CPNE2: variants seen among roughly 807,000 people sequenced by gnomAD.
CPNE2 encodes copine 2.
Under a neutral mutation model 69.7 loss-of-function variants are expected in CPNE2, and 42 were observed. That is an observed-to-expected ratio of 0.60 (90% CI 0.47 to 0.78). The LOEUF (loss-of-function observed/expected upper bound fraction) is 0.78. CPNE2 is among the 30% of genes least tolerant of loss of function. The pLI is 0.00. For missense variants in CPNE2, 587 were observed against 732.0 expected (o/e 0.80, Z 2.29); for synonymous variants, 294 against 289.8 (o/e 1.01, Z -0.15).
intron 8 of CPNE2, 27 bp downstream of exon 8, chr16:57,121,218 C>A (rs768064336): frequency 6.3e-7 from 1 of 1,597,806 alleles, no homozygotes; most frequent in South Asian, 1.1e-5. Flanking sequence ...TACTGTAACC[C>A]CAAGACCTCA....
At chr16:57,127,503 C>G (rs1253132517) in intron 11 of CPNE2, among the ~76,000 whole-genome samples, 1 of 152,144 alleles carries the variant, frequency 6.6e-6, no homozygotes, top group East Asian at 1.9e-4. Context: ...TGAGAGACAG[C>G]CAGTACATTC....
At chr16:57,102,869 T>C (rs1305334085) in intron 1 of CPNE2, among the ~76,000 whole-genome samples, 1 of 152,206 alleles carries the variant, frequency 6.6e-6, no homozygotes, top group African/African-American at 2.4e-5. Flanking sequence ...CCCCAAGTGC[T>C]GGGATTACAG....
chr16:57,119,856 G>A (rs923398373), intron 7 of CPNE2, among the ~76,000 whole-genome samples: 1 of 152,232 alleles, frequency 6.6e-6, no homozygotes, highest in Non-Finnish European at 1.5e-5. Flanking sequence ...CCCCACCTTT[G>A]AGCCCCTCTC....
intron 13 of CPNE2, among the ~76,000 whole-genome samples, chr16:57,136,473 G>T (rs2069881962): frequency 6.6e-6 from 1 of 152,206 alleles, no homozygotes; most frequent in Non-Finnish European, 1.5e-5. Context: ...AAGCATCACT[G>T]CAAGCTTCGC....
rs2069952743 is a variant in CPNE2 at position 57,145,784 on chromosome 16, CCA to C, written c.1303-300_1303-299del. On this transcript the variant is annotated intron_variant, in intron 14 of 15. Coordinates refer to ENST00000290776, the MANE Select transcript of CPNE2 (RefSeq NM_152727.6). Reference sequence around the variant, plus strand: ...TCCCACAGTATAGCAACTGGCAAGGCCAGGCCCAGAGTCCAGGGCTCTCAGAG... The same window carrying C: ...TCCCACAGTATAGCAACTGGCAAGGCGGCCCAGAGTCCAGGGCTCTCAGAG... 1.2e-5 allele frequency: 5 copies of C among 421,346 alleles called. No homozygotes were observed. The Admixed American group carries it at 2.0e-4, about 17-fold the overall frequency. The allele number at this position is 421,346 out of a possible 1,614,324, so 26.1% of individuals were successfully genotyped here. A position where few individuals can be genotyped will look rare whatever the true frequency, so the allele number is the denominator to read the frequency against.
chr16:57,124,144 C>T (rs1266481823), intron 10 of CPNE2: 5 of 225,392 alleles, frequency 2.2e-5, no homozygotes, highest in East Asian at 2.4e-4. Context: ...TGCAGTGGCA[C>T]GATCTCAGAT....
Position 57,119,261 on chromosome 16 carries a change from CT to C in CPNE2, c.575del (p.Leu192ArgfsTer7). 1 of 1,614,078 alleles carries C rather than the reference CT, an allele frequency of 6.2e-7. No individual in the cohort carries two copies. Among genetic ancestry groups the C allele is most frequent in the Non-Finnish European group, 8.5e-7 (1 of 1,179,984 alleles). On this transcript the variant is annotated frameshift_variant, in exon 6 of 16. Transcript: ENST00000290776. LOFTEE classifies it high-confidence loss of function. Reference protein sequence around the residue: ...YKPGDDGKWMLVHRTEVIKYT... With the variant: ...YKPGDDGKWMXVHRTEVIKYT... ...GCCAGGAGACGATGGCAAGTGGATG[CT>C]GGTCCACAGGACTGAGGTGGGTACG...
At chr16:57,131,385 G>T (rs1245444783) in intron 12 of CPNE2, among the ~76,000 whole-genome samples, 1 of 151,996 alleles carries the variant, frequency 6.6e-6, no homozygotes, top group Admixed American at 6.5e-5. Flanking sequence ...AAGGGCCAGG[G>T]CAGGAGATGT....
At chr16:57,124,488 G>C (rs965853744) in intron 10 of CPNE2, 3 of 402,540 alleles carry the variant, frequency 7.5e-6, no homozygotes. Flanking sequence ...TTTTAAGTGT[G>C]GGCACTTTGT....
At chr16:57,101,156 GC>G in intron 1 of CPNE2, among the ~76,000 whole-genome samples, 1 of 152,322 alleles carries the variant, frequency 6.6e-6, no homozygotes, top group African/African-American at 2.4e-5. Flanking sequence ...TAGAAACCCT[GC>G]CTGGGTTTCC....
chr16:57,102,611 T>G lies in CPNE2; in HGVS notation c.-35-8097T>G, dbSNP rs1352630297. On this transcript the variant is annotated intron_variant, in intron 1 of 15. Coordinates refer to ENST00000290776, the MANE Select transcript of CPNE2 (RefSeq NM_152727.6). ...TTTGTTTTTATTTATTTCTCTTTTT[T>G]TTTTTTTTGAGAGAGGGTCTCCCTG... 2.6e-5 allele frequency among the ~76,000 whole-genome samples: 4 copies of G among 151,928 alleles called. No individual in the cohort carries two copies. In the East Asian group the frequency reaches 7.7e-4, roughly 29 times the overall value.
chr16:57,121,231 A>G (rs1280215929), intron 8 of CPNE2, 40 bp downstream of exon 8: 2 of 1,571,570 alleles, frequency 1.3e-6, no homozygotes, highest in Admixed American at 1.7e-5. Context: ...AGACCTCAGC[A>G]GGGCTGGGGG....
intron 1 of CPNE2, among the ~76,000 whole-genome samples, chr16:57,099,061 C>T (rs371873730): frequency 3.3e-5 from 5 of 152,202 alleles, no homozygotes; most frequent in African/African-American, 1.2e-4. Context: ...GAACCCAGAT[C>T]AGAAACAGAC....
rs761455534 is a variant in CPNE2, at chr16:57,146,047, C to T, written c.1303-38C>T. Reference sequence around the variant, plus strand: ...GGAGGGAGAAGGGGTGCCAGAGCCTCGACCTTGCTGAGTGCCCCGTTGGCC... The same window carrying T: ...GGAGGGAGAAGGGGTGCCAGAGCCTTGACCTTGCTGAGTGCCCCGTTGGCC... On this transcript the variant is annotated intron_variant, in intron 14 of 15. Coordinates refer to ENST00000290776, the MANE Select transcript of CPNE2 (RefSeq NM_152727.6). The surrounding 1 kb of genome is among the most constrained non-coding windows in gnomAD (Gnocchi z 4.4). 16 of 1,557,088 alleles carry T rather than the reference C, an allele frequency of 1.0e-5. No homozygotes were observed. The East Asian group carries it at 2.1e-4, about 20-fold the overall frequency.
intron 14 of CPNE2, among the ~76,000 whole-genome samples, chr16:57,137,540 C>T (rs1459910826): frequency 1.1e-4 from 16 of 152,130 alleles, no homozygotes; most frequent in African/African-American, 4.8e-5. Flanking sequence ...CTCCCCAGGG[C>T]GAGGTACTGG....
intron 12 of CPNE2, among the ~76,000 whole-genome samples, chr16:57,134,476 G>A (rs184643742): frequency 8.5e-5 from 13 of 152,268 alleles, no homozygotes; most frequent in East Asian, 1.9e-4. Flanking sequence ...TGTCCCACCC[G>A]GGACTCTTAG....
intron 4 of CPNE2, among the ~76,000 whole-genome samples, chr16:57,117,268 C>T (rs552714312): frequency 6.6e-6 from 1 of 152,226 alleles, no homozygotes; most frequent in South Asian, 2.1e-4. Flanking sequence ...TGCGGATTTG[C>T]GTAGATCCGC....
In CPNE2 at chr16:57,123,427, A is replaced by G. The variant is rs1275789908; in HGVS notation, c.881A>G (p.Tyr294Cys). The change falls in exon 10 of 16, where the codon TAC (tyrosine) becomes TGC (cysteine). Residue 294 changes from tyrosine (Y) to cysteine (C), a missense_variant. This residue lies in a region of CPNE2 where 269 missense variants were observed against 300.5 expected (regional missense o/e 0.90). Coordinates refer to ENST00000290776, the MANE Select transcript of CPNE2 (RefSeq NM_152727.6). ...GCTTTCTTCCAGATAAACCGAGACT[A>G]CTCCTTCCTTGACTACATCCTGGGA... ...ILRSCKINRD[Y>C]SFLDYILGGC... 1 of 1,612,382 alleles carries G rather than the reference A, an allele frequency of 6.2e-7. No individual in the cohort carries two copies. Among genetic ancestry groups the G allele is most frequent in the Non-Finnish European group, 8.5e-7 (1 of 1,179,890 alleles).
chr16:57,120,893 G>T (rs1202580301), intron 7 of CPNE2, among the ~76,000 whole-genome samples, 200 bp from the exon 8 acceptor site: 1 of 152,174 alleles, frequency 6.6e-6, no homozygotes, highest in African/African-American at 2.4e-5. Context: ...CAGTGGGGCA[G>T]ACACACTTTC....
Sources: allele counts gnomAD v4.1 joint callset (sites outside exome capture counted in the v4.1 genomes callset), GRCh38; gene constraint gnomAD v4.1.1; regional missense constraint gnomAD v4.1.1; non-coding constraint Gnocchi (gnomAD v3.1); transcripts MANE v1.5; gene names NCBI Gene and HGNC (gene_info 2026-07-23, HGNC 2026-07-21).